ELAVL4: variants seen among roughly 807,000 people sequenced by gnomAD.
ELAVL4 encodes ELAV like RNA binding protein 4, also known as ELAV-like protein 4.
ELAVL4 carries 1 observed loss-of-function variant against 35.6 expected under a neutral mutation model. That is an observed-to-expected ratio of 0.03 (90% CI 0.01 to 0.13). The LOEUF (loss-of-function observed/expected upper bound fraction) is 0.13, where lower values mean the gene tolerates loss of function less well. Among genes scored for constraint, ELAVL4 ranks in the 10% least tolerant of loss-of-function variants. The pLI, the probability that ELAVL4 is intolerant of heterozygous loss-of-function variation, is 1.00. For synonymous variants in ELAVL4, 156 were observed against 171.0 expected, an observed-to-expected ratio of 0.91 and a Z score of 0.69; for missense variants, 267 against 464.9, an observed-to-expected ratio of 0.57 and a Z score of 3.91.
intron 1 of ELAVL4, among the ~76,000 whole-genome samples, chr1:50,071,113 C>T (rs1251351220): frequency 1.3e-5 from 2 of 152,168 alleles, no homozygotes; most frequent in Admixed American, 6.5e-5. Flanking sequence ...TCAAGGACCC[C>T]CCCTCAGAAC....
intron 1 of ELAVL4, among the ~76,000 whole-genome samples, chr1:50,094,990 A>C (rs1445275857): frequency 6.6e-6 from 1 of 152,140 alleles, no homozygotes; most frequent in Non-Finnish European, 1.5e-5. Flanking sequence ...TGAAGCATTC[A>C]GGTAGGTGAA....
At chr1:50,156,793 G>A (rs1182007897) in intron 2 of ELAVL4, among the ~76,000 whole-genome samples, 1 of 152,150 alleles carries the variant, frequency 6.6e-6, no homozygotes, top group Non-Finnish European at 1.5e-5. Flanking sequence ...TGGGACGAGA[G>A]ACCTTCACAA....
intron 2 of ELAVL4, among the ~76,000 whole-genome samples, chr1:50,152,155 C>G (rs1674901890): frequency 6.6e-6 from 1 of 152,002 alleles, no homozygotes; most frequent in African/African-American, 2.4e-5. Flanking sequence ...GGATTACAGA[C>G]CAGGTATGGT....
intron 2 of ELAVL4, among the ~76,000 whole-genome samples, chr1:50,165,990 A>C (rs565427074): frequency 6.6e-6 from 1 of 152,038 alleles, no homozygotes; most frequent in Admixed American, 6.5e-5. Flanking sequence ...CATCCAGCAC[A>C]GGAGAAAGAT....
At chr1:50,114,910 G>T (rs1162019059) in intron 1 of ELAVL4, 3 of 152,142 alleles carry the variant, frequency 2.0e-5, no homozygotes, top group African/African-American at 7.2e-5. Flanking sequence ...CAGCTAGCTT[G>T]CTTTGGATGT....
At chr1:50,067,641 G>A (rs1664324780) in intron 1 of ELAVL4, among the ~76,000 whole-genome samples, 1 of 152,196 alleles carries the variant, frequency 6.6e-6, no homozygotes, top group Non-Finnish European at 1.5e-5. Flanking sequence ...CACTGTGATA[G>A]GTGCTGGGGA....
At chr1:50,148,306 T>G (rs1372370121) in intron 2 of ELAVL4, among the ~76,000 whole-genome samples, 1 of 152,156 alleles carries the variant, frequency 6.6e-6, no homozygotes, top group Non-Finnish European at 1.5e-5. Context: ...AATGCAACAT[T>G]GTGTTCTGCT....
intron 1 of ELAVL4, among the ~76,000 whole-genome samples, chr1:50,111,167 TTTG>T (rs906174789): frequency 6.6e-5 from 10 of 151,580 alleles, no homozygotes; most frequent in South Asian, 4.2e-4. Flanking sequence ...GCGTGTGGTT[TTTG>T]TTGTTGTTGT....
intron 1 of ELAVL4, among the ~76,000 whole-genome samples, chr1:50,119,861 A>G (rs1300321300): frequency 6.6e-6 from 1 of 151,812 alleles, no homozygotes; most frequent in Admixed American, 6.6e-5. Flanking sequence ...TCTTTAATGT[A>G]ATTAGGGCAG....
intron 1 of ELAVL4, chr1:50,141,914 C>A (rs1027820690): frequency 6.6e-6 from 1 of 152,170 alleles, no homozygotes; most frequent in African/African-American, 2.4e-5. Flanking sequence ...TCCTTGGCTC[C>A]TCTTGAGCCA....
chr1:50,113,248 T>C (rs1330586033), intron 1 of ELAVL4, among the ~76,000 whole-genome samples: 1 of 151,976 alleles, frequency 6.6e-6, no homozygotes, highest in Non-Finnish European at 1.5e-5. Context: ...ATTTCTTCCC[T>C]TTACACTTAT....
At chr1:50,125,841 C>T (rs1425571482) in intron 1 of ELAVL4, among the ~76,000 whole-genome samples, 2 of 152,032 alleles carry the variant, frequency 1.3e-5, no homozygotes, top group African/African-American at 4.8e-5. Context: ...TGGTTAAGGG[C>T]ATCTTAGGAG....
At chr1:50,136,310 A>G (rs1671877551) in intron 1 of ELAVL4, among the ~76,000 whole-genome samples, 1 of 152,168 alleles carries the variant, frequency 6.6e-6, no homozygotes, top group Non-Finnish European at 1.5e-5. Context: ...GGTGAGATGC[A>G]GTAGTCTGGG....
chr1:50,107,954 C>T (rs1276780607), upstream of ELAVL4, among the ~76,000 whole-genome samples: 1 of 152,178 alleles, frequency 6.6e-6, no homozygotes, highest in Non-Finnish European at 1.5e-5. Flanking sequence ...GAAAAAAAGA[C>T]ATCCCTTTGA....
chr1:50,106,505 G>A, upstream of ELAVL4: 46 of 672,506 alleles, frequency 6.8e-5, no homozygotes, highest in Admixed American at 2.6e-4. Flanking sequence ...GATTGTGGCA[G>A]AAAAAAAAAA....
intron 2 of ELAVL4, among the ~76,000 whole-genome samples, chr1:50,162,563 C>T (rs984757339): frequency 2.6e-5 from 4 of 152,164 alleles, no homozygotes; most frequent in East Asian, 1.9e-4. Context: ...TTTGGGAATT[C>T]GGGTCCTGGG....
chr1:50,175,994 C>A (rs1321151975), intron 2 of ELAVL4: 1 of 152,350 alleles, frequency 6.6e-6, no homozygotes, highest in South Asian at 2.1e-4. Context: ...GAAGTTCAGG[C>A]TGGTTTTGCA....
intron 2 of ELAVL4, among the ~76,000 whole-genome samples, chr1:50,149,207 G>A (rs995264464): frequency 4.6e-5 from 7 of 152,022 alleles, no homozygotes; most frequent in Admixed American, 6.6e-5. Flanking sequence ...AGACCAGCCT[G>A]GCCAACATGG....
chr1:50,125,833 G>GT (rs1207903771), intron 1 of ELAVL4, among the ~76,000 whole-genome samples: 10 of 151,998 alleles, frequency 6.6e-5, no homozygotes, highest in African/African-American at 2.4e-4. Flanking sequence ...TGTTCTGCTG[G>GT]TTAAGGGCAT....
Sources: allele counts gnomAD v4.1 joint callset (sites outside exome capture counted in the v4.1 genomes callset), GRCh38; gene constraint gnomAD v4.1.1; transcripts MANE v1.5; gene names NCBI Gene and HGNC (gene_info 2026-07-23, HGNC 2026-07-21).